VWA8: variants seen among roughly 807,000 people sequenced by gnomAD.
VWA8 encodes von Willebrand factor A domain containing 8.
In VWA8, 221 loss-of-function variants were observed where a neutral mutation model predicts 241.5. The ratio of observed to expected loss-of-function variants is 0.91; its 90% CI spans 0.82 to 1.02. The LOEUF is 1.02. Ranked by LOEUF, VWA8 falls within the 50% of genes least tolerant of loss-of-function variation. The pLI is 0.00. For synonymous variants in VWA8, 852 were observed against 827.1 expected, an observed-to-expected ratio of 1.03 and a Z score of -0.52; for missense variants, 2,322 against 2,328.7, an observed-to-expected ratio of 1.00 and a Z score of 0.06.
chr13:41,840,022 T>C (rs1228392196), intron 12 of VWA8, among the ~76,000 whole-genome samples: 1 of 152,238 alleles, frequency 6.6e-6, no homozygotes, highest in Non-Finnish European at 1.5e-5. Context: ...GTTTTCCCAT[T>C]TGCTTATGTC....
chr13:41,712,658 G>C (rs1481336912), intron 26 of VWA8, among the ~76,000 whole-genome samples: 2 of 152,150 alleles, frequency 1.3e-5, no homozygotes, highest in Non-Finnish European at 2.9e-5. Context: ...TAAACATAAA[G>C]ATGATGTTTG....
chr13:41,818,819 A>G (rs1401195324), intron 15 of VWA8, among the ~76,000 whole-genome samples: 1 of 152,190 alleles, frequency 6.6e-6, no homozygotes, highest in Non-Finnish European at 1.5e-5. Context: ...GTCACTTTTC[A>G]CTAAACAGAA....
chr13:41,793,153 T>C (rs1466232042), intron 17 of VWA8, among the ~76,000 whole-genome samples: 1 of 152,208 alleles, frequency 6.6e-6, no homozygotes, highest in Non-Finnish European at 1.5e-5. Flanking sequence ...TGTAGTTTAC[T>C]AAGAATATTC....
At chr13:41,943,510 AAAAT>A (rs1393991417) in intron 2 of VWA8, among the ~76,000 whole-genome samples, 18 of 152,358 alleles carry the variant, frequency 1.2e-4, no homozygotes, top group African/African-American at 4.3e-4. Context: ...CTAACTTTAA[AAAAT>A]AAATAATCAA....
At chr13:41,784,735 C>CAA (rs1456529929) in intron 18 of VWA8, among the ~76,000 whole-genome samples, 1 of 47,632 alleles carries the variant, frequency 2.1e-5, no homozygotes, top group African/African-American at 5.6e-5. Context: ...TATATACACA[C>CAA]ACATATATAT....
At chr13:41,734,541 G>T (rs1280824822) in intron 21 of VWA8, among the ~76,000 whole-genome samples, 1 of 152,186 alleles carries the variant, frequency 6.6e-6, no homozygotes, top group Admixed American at 6.5e-5. Context: ...GCTTGAACAG[G>T]TACGCTGGCA....
At chr13:41,644,466 T>A (rs1434830318) in intron 37 of VWA8, among the ~76,000 whole-genome samples, 1 of 152,258 alleles carries the variant, frequency 6.6e-6, no homozygotes, top group African/African-American at 2.4e-5. Flanking sequence ...AGGGCCACTG[T>A]CTGTGTGGGG....
intron 2 of VWA8, among the ~76,000 whole-genome samples, chr13:41,948,680 G>C (rs1877974322): frequency 6.6e-6 from 1 of 152,114 alleles, no homozygotes; most frequent in African/African-American, 2.4e-5. Flanking sequence ...TTGGCAGTGA[G>C]TTAAAAAGTT....
chr13:41,926,946 T>C lies in VWA8; in HGVS notation c.242-14778A>G, dbSNP rs1430126826. The C allele has an allele frequency of 5.6e-6, 3 of 538,254 alleles. No homozygotes were observed. In the Admixed American group the frequency reaches 6.1e-5, roughly 11 times the overall value. The allele number at this position is 538,254 out of a possible 1,614,324, so 33.3% of individuals were successfully genotyped here. On this transcript the variant is annotated intron_variant, in intron 2 of 44. Coordinates refer to ENST00000379310, the MANE Select transcript of VWA8 (RefSeq NM_015058.2). ...TGTAGGGGAGTTCCTGGAAATGATT[T>C]GCATCAATCCTACATTAATCTGTGA...
chr13:41,647,834 A>G (rs2044841527), intron 37 of VWA8, among the ~76,000 whole-genome samples: 1 of 152,174 alleles, frequency 6.6e-6, no homozygotes. Context: ...TACTAAAAAT[A>G]CAAAAATTAG....
chr13:41,701,540 A>T lies in VWA8; in HGVS notation c.3226-10T>A. On this transcript the variant is annotated splice_polypyrimidine_tract_variant and intron_variant, in intron 27 of 44. Transcript: ENST00000379310. ...TTATAAGTGCTGGACCCTATAATAA[A>T]GCAGTTATCTCAGTTAAGATATTTT... 1.3e-6 allele frequency: 2 copies of T among 1,537,978 alleles called. No individual in the cohort carries two copies. The highest frequency in any genetic ancestry group is 1.7e-6 in the Non-Finnish European group (2 of 1,147,602).
intron 17 of VWA8, among the ~76,000 whole-genome samples, chr13:41,797,840 CT>C (rs1207333283): frequency 4.1e-4 from 62 of 152,144 alleles, no homozygotes; most frequent in African/African-American, 1.4e-3. Context: ...TGGTTTTTGT[CT>C]TTTAAAATCT....
In VWA8 at chr13:41,719,759, T is replaced by A. The variant is rs1232616634; in HGVS notation, c.2965-17A>T. The A allele has an allele frequency of 6.3e-7, 1 of 1,600,000 alleles. No homozygotes were observed. The highest frequency in any genetic ancestry group is 8.5e-7 in the Non-Finnish European group (1 of 1,172,584). ...CGGAAATTTCTGTATTAAAAAAAAA[T>A]TCCCTTATTATGCATGTGATAAAAT... is the stretch of plus-strand genomic sequence containing the variant. On this transcript the variant is annotated splice_polypyrimidine_tract_variant and intron_variant, in intron 25 of 44. Transcript: ENST00000379310.
At chr13:41,747,625 C>G (rs1032231032) in intron 21 of VWA8, among the ~76,000 whole-genome samples, 23 of 152,166 alleles carry the variant, frequency 1.5e-4, no homozygotes, top group African/African-American at 5.1e-4. Context: ...GCCAGAACTT[C>G]CAACACTATG....
chr13:41,664,591 G>C (rs1276525062), intron 37 of VWA8, among the ~76,000 whole-genome samples: 1 of 152,196 alleles, frequency 6.6e-6, no homozygotes, highest in South Asian at 2.1e-4. Context: ...TGTAAGGGCA[G>C]AGGAGAGCCA....
chr13:41,675,293 A>T lies in VWA8; in HGVS notation c.4331T>A (p.Val1444Asp), dbSNP rs372865939. The T allele has an allele frequency of 6.8e-6, 11 of 1,608,444 alleles. No homozygotes were observed. The highest frequency in any genetic ancestry group is 9.3e-6 in the Non-Finnish European group (11 of 1,176,558). The change falls in exon 36 of 45, where the codon GTT becomes GAT. Residue 1444 changes from valine to aspartate, a missense_variant. By Grantham distance (152) the Val-to-Asp change is radical. Transcript: ENST00000379310. ...VPLKDIYPKD[V>D]TPPQTSGYIE... The stretch of plus-strand genomic sequence containing the variant: ...ATAACCAGATGTTTGTGGAGGAGTA[A>T]CATCTACAAACAAGTCATGACATGA...
chr13:41,638,470 C>A (rs1314057034), intron 37 of VWA8, among the ~76,000 whole-genome samples: 3 of 151,990 alleles, frequency 2.0e-5, no homozygotes, highest in African/African-American at 7.3e-5. Flanking sequence ...GTGAAGGAGA[C>A]TGAGAAGAAG....
At chr13:41,873,461 A>G (rs2138061202) in intron 9 of VWA8, among the ~76,000 whole-genome samples, 1 of 152,176 alleles carries the variant, frequency 6.6e-6, no homozygotes, top group East Asian at 1.9e-4. Context: ...AAAAAAAGAG[A>G]GAAGAATCAA....
chr13:41,735,895 A>G (rs1055314729), intron 21 of VWA8, among the ~76,000 whole-genome samples: 16 of 152,140 alleles, frequency 1.1e-4, no homozygotes, highest in African/African-American at 3.6e-4. Flanking sequence ...GCTTGATTAA[A>G]ATAATTGCTC....
Sources: gnomAD v4.1 joint callset for allele counts (sites outside exome capture counted in the v4.1 genomes callset) on GRCh38, gnomAD v4.1.1 for gene constraint, MANE v1.5 for transcripts, NCBI Gene and HGNC (gene_info 2026-07-23, HGNC 2026-07-21) for gene names.